Variants in TENM4 observed in about 807,000 individuals in gnomAD.
The protein encoded by TENM4 is teneurin transmembrane protein 4.
In TENM4, 82 loss-of-function variants were observed where a neutral mutation model predicts 243.3. The ratio of observed to expected loss-of-function variants is 0.34; its 90% CI spans 0.28 to 0.40. The LOEUF is 0.40. TENM4 is among the 10% of genes least tolerant of loss of function. The probability of loss-of-function intolerance (pLI) is 1.00; values close to 1 mark genes in which losing one functional copy is unlikely to be tolerated. For synonymous variants in TENM4, 1,412 were observed against 1,456.3 expected (o/e 0.97, Z 0.69); for missense variants, 3,138 against 3,673.3 (o/e 0.85, Z 3.77).
intron 4 of TENM4, among the ~76,000 whole-genome samples, chr11:79,070,334 G>T (rs1257631110): frequency 6.6e-6 from 1 of 152,160 alleles, no homozygotes; most frequent in Non-Finnish European, 1.5e-5. Flanking sequence ...AAGCCTGTTT[G>T]GTTCCCATCA....
intron 6 of TENM4, 101 bp downstream of exon 6, chr11:79,064,637 A>G: frequency 1.4e-6 from 2 of 1,469,140 alleles, no homozygotes; most frequent in Non-Finnish European, 9.2e-7. Context: ...TTTTTCACCA[A>G]CTTCACCAGA....
chr11:78,695,303 T>C (rs1349702093), intron 28 of TENM4, among the ~76,000 whole-genome samples: 2 of 152,086 alleles, frequency 1.3e-5, no homozygotes, highest in African/African-American at 4.8e-5. Context: ...TCCCTATACC[T>C]CTATAACATG....
At chr11:78,668,528 T>C (rs938762106) in intron 32 of TENM4, among the ~76,000 whole-genome samples, 1 of 152,168 alleles carries the variant, frequency 6.6e-6, no homozygotes, top group African/African-American at 2.4e-5. Context: ...AGCAGTTTGA[T>C]TTGTGTGTCA....
rs1374960685 is a variant in TENM4, at chr11:79,102,880, A to T, written c.-65-32871T>A. ...GTTCTTATGGATTTTTTTTAAGGTC[A>T]CTTTTAATTAATTTAAATAGCCGCC... is the stretch of plus-strand genomic sequence containing the variant. On this transcript the variant is annotated intron_variant, in intron 4 of 33. Transcript: ENST00000278550. Among the ~76,000 whole-genome samples the T allele has an allele frequency of 2.0e-5, 3 of 151,988 alleles. 1 individual carries two copies. Among genetic ancestry groups the T allele is most frequent in the Admixed American group, 6.5e-5 (1 of 15,272 alleles).
chr11:79,198,824 T>C (rs1222471468), intron 3 of TENM4, among the ~76,000 whole-genome samples: 1 of 152,122 alleles, frequency 6.6e-6, no homozygotes. Flanking sequence ...AGCAGGGAGA[T>C]GATGGCACTT....
At chr11:79,401,771 T>C (rs1468794457) in intron 1 of TENM4, among the ~76,000 whole-genome samples, 1 of 152,160 alleles carries the variant, frequency 6.6e-6, no homozygotes, top group African/African-American at 2.4e-5. Flanking sequence ...GGGGACCAAG[T>C]CCAGGAGCCT....
At chr11:78,839,351 C>G (rs1048989164) in intron 12 of TENM4, among the ~76,000 whole-genome samples, 1 of 152,086 alleles carries the variant, frequency 6.6e-6, no homozygotes, top group Non-Finnish European at 1.5e-5. Flanking sequence ...CAGTTTTTGT[C>G]ACACAGGTCA....
At chr11:78,999,502 C>T (rs1373988941) in intron 6 of TENM4, among the ~76,000 whole-genome samples, 2 of 152,030 alleles carry the variant, frequency 1.3e-5, no homozygotes, top group Middle Eastern at 3.4e-3. Context: ...GGAGACAGAG[C>T]GGGACTCCAT....
At chr11:78,885,337 G>A (rs1307813196) in intron 9 of TENM4, among the ~76,000 whole-genome samples, 1 of 152,212 alleles carries the variant, frequency 6.6e-6, no homozygotes, top group South Asian at 2.1e-4. Flanking sequence ...CTCAGTGGCT[G>A]TCCTTCTGAA....
At chr11:78,666,783 T>A (rs1429387466) in intron 32 of TENM4, among the ~76,000 whole-genome samples, 1 of 152,158 alleles carries the variant, frequency 6.6e-6, no homozygotes, top group Non-Finnish European at 1.5e-5. Flanking sequence ...GAGATAATGA[T>A]GGTGATCTCA....
intron 1 of TENM4, among the ~76,000 whole-genome samples, chr11:79,339,984 C>T (rs755366597): frequency 1.2e-4 from 18 of 152,092 alleles, no homozygotes; most frequent in Non-Finnish European, 2.4e-4. Flanking sequence ...AGCCATTCAG[C>T]TGAGCTACAA....
chr11:79,264,247 C>T (rs941160036), intron 2 of TENM4, among the ~76,000 whole-genome samples: 1 of 152,116 alleles, frequency 6.6e-6, no homozygotes, highest in Non-Finnish European at 1.5e-5. Flanking sequence ...TACCCGGGCT[C>T]AACATCTATC....
At chr11:78,888,698 T>C (rs1855598042) in intron 9 of TENM4, among the ~76,000 whole-genome samples, 1 of 152,224 alleles carries the variant, frequency 6.6e-6, no homozygotes, top group South Asian at 2.1e-4. Flanking sequence ...TACCAAGTTC[T>C]TTTTCACAGT....
chr11:78,731,444 C>T (rs565563499), intron 21 of TENM4, among the ~76,000 whole-genome samples: 10 of 152,308 alleles, frequency 6.6e-5, no homozygotes, highest in African/African-American at 2.2e-4. Context: ...CTCAGCCAGG[C>T]ATGAAATATA....
chr11:78,677,695 T>C (rs1470332014), intron 29 of TENM4, among the ~76,000 whole-genome samples: 1 of 151,878 alleles, frequency 6.6e-6, no homozygotes, highest in African/African-American at 2.4e-5. Flanking sequence ...TAAATCATTG[T>C]CACAGGCATA....
intron 1 of TENM4, chr11:79,402,134 C>T (rs150222055): frequency 2.3e-5 from 8 of 348,974 alleles, no homozygotes; most frequent in African/African-American, 4.1e-5. Flanking sequence ...AGCAGTCCCT[C>T]GCCAACCATG....
chr11:79,307,667 TG>T (rs1412477946), intron 1 of TENM4, among the ~76,000 whole-genome samples: 5 of 152,192 alleles, frequency 3.3e-5, no homozygotes, highest in Non-Finnish European at 5.9e-5. Context: ...CATTTCCTTT[TG>T]CTCGCCATTC....
intron 23 of TENM4, among the ~76,000 whole-genome samples, chr11:78,723,747 T>A (rs982324647): frequency 3.9e-5 from 6 of 152,210 alleles, no homozygotes; most frequent in Non-Finnish European, 7.3e-5. Context: ...CCTCACCTCT[T>A]CCATACTGAA....
chr11:78,800,539 T>C (rs1857260005), intron 15 of TENM4, among the ~76,000 whole-genome samples: 1 of 152,136 alleles, frequency 6.6e-6, no homozygotes, highest in Non-Finnish European at 1.5e-5. Context: ...AGGTTCGCTG[T>C]CGGGTAGTGT....
Sources: allele counts gnomAD v4.1 joint callset (sites outside exome capture counted in the v4.1 genomes callset), GRCh38; gene constraint gnomAD v4.1.1; transcripts MANE v1.5; gene names NCBI Gene and HGNC (gene_info 2026-07-23, HGNC 2026-07-21).